CACNA1C: variants seen among roughly 807,000 people sequenced by gnomAD.
CACNA1C encodes the protein voltage-dependent L-type calcium channel subunit alpha-1C.
A neutral mutation model predicts 229.0 loss-of-function variants in CACNA1C; 30 were observed. The observed-to-expected ratio is 0.13, with a 90% CI of 0.10 to 0.18. CACNA1C has a LOEUF of 0.18. Ranked by LOEUF, CACNA1C falls within the 10% of genes least tolerant of loss-of-function variation. The probability of loss-of-function intolerance (pLI) is 1.00; values close to 1 mark genes in which losing one functional copy is unlikely to be tolerated. For missense variants in CACNA1C, 1,658 were observed against 2,845.0 expected (o/e 0.58, Z 9.49); for synonymous variants, 1,114 against 1,132.5 (o/e 0.98, Z 0.33).
At position 2,486,008 on chromosome 12, in the gene CACNA1C, G is replaced by A; in HGVS notation, c.758-96G>A. Reference sequence around the variant, plus strand: ...TCTCATCTAAACAACAGGGCTGGCAGTTCCTTCCTTGCAGAGTTGCTGGAA... The same window carrying A: ...TCTCATCTAAACAACAGGGCTGGCAATTCCTTCCTTGCAGAGTTGCTGGAA... On this transcript the variant is annotated intron_variant, in intron 5 of 46. Transcript: ENST00000399655. This position sits in a 1 kb window ranked among gnomAD's most constrained non-coding sequence, Gnocchi z 4.9. 9.9e-7 allele frequency: 1 copy of A among 1,007,660 alleles called. No individual in the cohort carries two copies. The highest frequency in any genetic ancestry group is 1.4e-6 in the Non-Finnish European group (1 of 706,664). 62.4% of individuals were successfully genotyped at this position (1,007,660 alleles called of 1,614,324 possible).
intron 1 of CACNA1C, among the ~76,000 whole-genome samples, chr12:2,060,508 C>T (rs565635740): frequency 6.6e-6 from 1 of 152,332 alleles, no homozygotes; most frequent in Admixed American, 6.5e-5. Flanking sequence ...TCCCATCTTC[C>T]TTGAAGTGTT....
At position 2,679,695 on chromosome 12, in the gene CACNA1C, C is replaced by T. The variant is rs374858814; in HGVS notation, c.5343C>T (p.Pro1781=). ...NNTALGRLPR[P]AGYPSTVSTV... is the part of the protein sequence containing the mutation. ...CCGCCCTGGGTCGCCTCCCTCGCCC[C>T]GCCGGCTACCCCAGCACGGTCAGCA... The change falls in exon 42 of 47, where the codon CCC becomes CCT. Residue 1781 remains proline (P), a synonymous_variant. Coordinates refer to ENST00000399655, the MANE Select transcript of CACNA1C (RefSeq NM_000719.7). This position sits in a 1 kb window ranked among gnomAD's most constrained non-coding sequence, Gnocchi z 5.5. 2.5e-5 allele frequency: 41 copies of T among 1,611,962 alleles called. No homozygotes were observed. In the East Asian group the frequency reaches 4.9e-4, roughly 19 times the overall value.
At chr12:2,006,491 TG>T (rs2043489818) in intron 1 of CACNA1C, among the ~76,000 whole-genome samples, 1 of 152,232 alleles carries the variant, frequency 6.6e-6, no homozygotes, top group Non-Finnish European at 1.5e-5. Flanking sequence ...TGAGAATGGT[TG>T]ATCTAAACCA....
At chr12:2,224,776 G>A (rs1358756394) in intron 3 of CACNA1C, among the ~76,000 whole-genome samples, 1 of 152,180 alleles carries the variant, frequency 6.6e-6, no homozygotes, top group East Asian at 1.9e-4. Flanking sequence ...AGAGGTGGGA[G>A]GCCTCATGTA....
chr12:1,985,445 T>C (rs1225827824), intron 1 of CACNA1C, among the ~76,000 whole-genome samples: 1 of 152,186 alleles, frequency 6.6e-6, no homozygotes, highest in East Asian at 1.9e-4. Flanking sequence ...AATTTTCCAT[T>C]TGGTTATTTT....
chr12:2,002,383 C>T (rs2154479463), intron 1 of CACNA1C, among the ~76,000 whole-genome samples: 1 of 152,326 alleles, frequency 6.6e-6, no homozygotes, highest in Middle Eastern at 3.4e-3. Context: ...GTTTTTCTGG[C>T]TACCACAGCC....
chr12:2,609,820 A>G (rs2076866319), intron 27 of CACNA1C, among the ~76,000 whole-genome samples: 1 of 151,900 alleles, frequency 6.6e-6, no homozygotes, highest in African/African-American at 2.4e-5. Context: ...GACACTGGCA[A>G]ATAAGAAAGA....
chr12:2,601,096 T>C lies in CACNA1C; in HGVS notation c.2854-758T>C, dbSNP rs114105625. Among the ~76,000 whole-genome samples, 2,745 of 152,318 alleles carry C rather than the reference T, an allele frequency of 0.018. 84 individuals are homozygous for C. The highest frequency in any genetic ancestry group is 0.063 in the African/African-American group (2,606 of 41,570). On this transcript the variant is annotated intron_variant, in intron 21 of 46. Coordinates refer to ENST00000399655, the MANE Select transcript of CACNA1C (RefSeq NM_000719.7). The surrounding 1 kb of genome is among the most constrained non-coding windows in gnomAD (Gnocchi z 5.9). ...CTGTGCTCTTAGCCACTGAGCCTCA[T>C]AGCCCCTCTGATCACACAACTTTTG...
intron 3 of CACNA1C, among the ~76,000 whole-genome samples, chr12:2,254,432 TCTGTAACC>T (rs2076635722): frequency 1.3e-5 from 2 of 152,194 alleles, no homozygotes; most frequent in Non-Finnish European, 2.9e-5. Context: ...GGCTGTGAAC[TCTGTAACC>T]CTGTATTTTC....
chr12:2,124,329 C>T (rs749662137), intron 3 of CACNA1C, among the ~76,000 whole-genome samples: 5 of 152,110 alleles, frequency 3.3e-5, no homozygotes, highest in Non-Finnish European at 7.3e-5. Context: ...CATAGGTTGA[C>T]ATATTTGCAT....
intron 1 of CACNA1C, among the ~76,000 whole-genome samples, chr12:2,059,298 A>G (rs926677203): frequency 6.6e-6 from 1 of 152,094 alleles, no homozygotes; most frequent in Non-Finnish European, 1.5e-5. Context: ...GAACAAGGTC[A>G]TCAGGGTAGT....
chr12:2,110,532 G>T (rs2081245277), intron 1 of CACNA1C, among the ~76,000 whole-genome samples: 1 of 152,336 alleles, frequency 6.6e-6, no homozygotes. Context: ...TTTGAAAATT[G>T]ATCTCTTTGC....
intron 30 of CACNA1C, among the ~76,000 whole-genome samples, chr12:2,635,790 C>T (rs1477431774): frequency 1.3e-5 from 2 of 151,812 alleles, no homozygotes; most frequent in Non-Finnish European, 2.9e-5. Context: ...TGTCTTTGTC[C>T]GGTGTGTGTG....
chr12:2,029,090 C>T lies in CACNA1C; in HGVS notation c.139+57889C>T, dbSNP rs1485253740. 1.3e-5 allele frequency among the ~76,000 whole-genome samples: 2 copies of T among 152,024 alleles called. No homozygotes were observed. Among genetic ancestry groups the T allele is most frequent in the African/African-American group, 4.8e-5 (2 of 41,384 alleles). ...GGAGGCATGTCTTATGTTACAAGTA[C>T]CTGAGTGAGAACTGAGGCCCCATGA... On this transcript the variant is annotated intron_variant, in intron 1 of 46. Coordinates refer to the CACNA1C transcript ENST00000682462. This position sits in a 1 kb window ranked among gnomAD's most constrained non-coding sequence, Gnocchi z 4.9.
At chr12:2,621,023 G>A (rs1230830149) in intron 29 of CACNA1C, among the ~76,000 whole-genome samples, 2 of 152,332 alleles carry the variant, frequency 1.3e-5, no homozygotes, top group East Asian at 3.9e-4. Context: ...CTTGTTTCTA[G>A]AGGTAGCTCT....
intron 9 of CACNA1C, among the ~76,000 whole-genome samples, chr12:2,513,727 G>A (rs1023535532): frequency 6.6e-6 from 1 of 152,138 alleles, no homozygotes; most frequent in African/African-American, 2.4e-5. Flanking sequence ...CTCAAAGCAT[G>A]GCCGCTGACC....
In CACNA1C at chr12:2,215,135, G is replaced by C. The variant is rs1243172750; in HGVS notation, c.477+94705G>C. Among the ~76,000 whole-genome samples, 1 of 152,174 alleles carries C rather than the reference G, an allele frequency of 6.6e-6. No homozygotes were observed. Among genetic ancestry groups the C allele is most frequent in the Non-Finnish European group, 1.5e-5 (1 of 68,040 alleles). On this transcript the variant is annotated intron_variant, in intron 3 of 46. Transcript: ENST00000399655. The surrounding 1 kb of genome is among the most constrained non-coding windows in gnomAD (Gnocchi z 5.0). The stretch of plus-strand genomic sequence containing the variant: ...ATGGGGAAACGAAGCCATGTTTGCC[G>C]GCATATCTGGGGTTCCCTGGTCACT...
intron 9 of CACNA1C, among the ~76,000 whole-genome samples, chr12:2,522,526 C>T (rs559280067): frequency 2.6e-5 from 4 of 152,068 alleles, no homozygotes; most frequent in South Asian, 2.1e-4. Flanking sequence ...GAAAGTGGGC[C>T]GAGAGGAAAG....
Position 2,585,754 on chromosome 12 carries a change from G to A in CACNA1C, c.2461-81G>A, listed in dbSNP as rs931462242. On this transcript the variant is annotated intron_variant, in intron 17 of 46. Coordinates refer to ENST00000399655, the MANE Select transcript of CACNA1C (RefSeq NM_000719.7). The surrounding 1 kb of genome is among the most constrained non-coding windows in gnomAD (Gnocchi z 4.1). ...TTTGAGCTAAGTCACTGACTAAAAT[G>A]CAACTTCAAGGCTACTGCAAGCCTC... is the stretch of plus-strand genomic sequence containing the variant. 1.2e-5 allele frequency: 13 copies of A among 1,090,276 alleles called. No individual in the cohort carries two copies. The African/African-American group carries it at 1.9e-4, about 16-fold the overall frequency. The allele number at this position is 1,090,276 out of a possible 1,614,324, so 67.5% of individuals were successfully genotyped here. A position where few individuals can be genotyped will look rare whatever the true frequency, so the allele number is the denominator to read the frequency against.
Sources: gnomAD v4.1 joint callset for allele counts (sites outside exome capture counted in the v4.1 genomes callset) on GRCh38, gnomAD v4.1.1 for gene constraint, Gnocchi (gnomAD v3.1) non-coding constraint, MANE v1.5 for transcripts, NCBI Gene and HGNC (gene_info 2026-07-23, HGNC 2026-07-21) for gene names.